Variants in EPB41L1 observed in about 807,000 individuals in gnomAD.
The protein encoded by EPB41L1 is band 4.1-like protein 1.
A neutral mutation model predicts 97.8 loss-of-function variants in EPB41L1; 29 were observed. The observed-to-expected ratio is 0.30, with a 90% CI of 0.22 to 0.40. The LOEUF is 0.40. Ranked by LOEUF, EPB41L1 falls within the 10% of genes least tolerant of loss-of-function variation. The pLI is 1.00. For missense variants in EPB41L1, 812 were observed against 1,162.3 expected, an observed-to-expected ratio of 0.70 and a Z score of 4.38; for synonymous variants, 383 against 459.2, an observed-to-expected ratio of 0.83 and a Z score of 2.12.
chr20:36,139,444 G>A (rs6058413), intron 2 of EPB41L1, among the ~76,000 whole-genome samples: 11,201 of 152,130 alleles, frequency 0.074, 527 homozygotes, highest in East Asian at 0.13. Flanking sequence ...TTTTTGTTAT[G>A]CAAAATTTCA....
At chr20:36,111,294 T>C (rs1483692854) in intron 1 of EPB41L1, among the ~76,000 whole-genome samples, 2 of 152,204 alleles carry the variant, frequency 1.3e-5, no homozygotes, top group African/African-American at 4.8e-5. Context: ...ACATTTTACA[T>C]GAAGTAGGAA....
At chr20:36,216,480 A>G (rs1018743693) in intron 17 of EPB41L1, among the ~76,000 whole-genome samples, 4 of 152,244 alleles carry the variant, frequency 2.6e-5, no homozygotes, top group Admixed American at 6.5e-5. Context: ...TCTGTCCTGC[A>G]GACAATGGGG....
chr20:36,100,334 C>T (rs1258004949), intron 1 of EPB41L1, among the ~76,000 whole-genome samples: 1 of 152,184 alleles, frequency 6.6e-6, no homozygotes, highest in Non-Finnish European at 1.5e-5. Flanking sequence ...CCTTCCCTCT[C>T]CCCACCTTGT....
intron 14 of EPB41L1, among the ~76,000 whole-genome samples, chr20:36,202,102 G>A (rs1284037094): frequency 6.6e-6 from 1 of 152,122 alleles, no homozygotes; most frequent in South Asian, 2.1e-4. Flanking sequence ...GCATACCAAG[G>A]ACAGGGCTAG....
intron 2 of EPB41L1, among the ~76,000 whole-genome samples, chr20:36,140,315 A>G (rs1252383055): frequency 7.4e-6 from 1 of 135,136 alleles, no homozygotes; most frequent in Non-Finnish European, 1.6e-5. Context: ...AAGTGATCCA[A>G]CCACCTTGGC....
intron 1 of EPB41L1, among the ~76,000 whole-genome samples, chr20:36,107,054 A>G (rs893420215): frequency 6.6e-6 from 1 of 152,014 alleles, no homozygotes; most frequent in African/African-American, 2.4e-5. Flanking sequence ...AGTAATCCCA[A>G]AGGATTTCAG....
Position 36,209,394 on chromosome 20 carries a change from C to A in EPB41L1, c.1669-94C>A. ...CTTCCATTCAGGATGTCGACACAGC[C>A]CCGAGATTTCTCCTGACATTCACCA... On this transcript the variant is annotated intron_variant, in intron 14 of 21. Coordinates refer to ENST00000338074, the MANE Select transcript of EPB41L1 (RefSeq NM_012156.2). This position sits in a 1 kb window ranked among gnomAD's most constrained non-coding sequence, Gnocchi z 4.2. 1 of 1,423,042 alleles carries A rather than the reference C, an allele frequency of 7.0e-7. No homozygotes were observed. 88.2% of individuals were successfully genotyped at this position (1,423,042 alleles called of 1,614,324 possible).
chr20:36,138,634 T>C (rs1301405428), intron 2 of EPB41L1, among the ~76,000 whole-genome samples: 2 of 152,226 alleles, frequency 1.3e-5, no homozygotes, highest in East Asian at 3.8e-4. Context: ...ATTTGACATA[T>C]ATTGCCTCAC....
At chr20:36,189,691 T>C (rs1298323187) in intron 9 of EPB41L1, among the ~76,000 whole-genome samples, 1 of 152,128 alleles carries the variant, frequency 6.6e-6, no homozygotes, top group East Asian at 1.9e-4. Flanking sequence ...GCACCACACA[T>C]CTCCCTTCAT....
rs2295568 is a variant in EPB41L1, at chr20:36,194,249, T to C, written c.1338T>C (p.His446=). Residue 446 remains histidine, a synonymous_variant, in exon 12 of 22, where the codon CAT becomes CAC. Coordinates refer to ENST00000338074, the MANE Select transcript of EPB41L1 (RefSeq NM_012156.2). Reference sequence around the variant, plus strand: ...GCCCAGCCTCGGTCAGCGAGAACCATGATGCAGGGCCTGACGGTGACAAGC... The same window carrying C: ...GCCCAGCCTCGGTCAGCGAGAACCACGATGCAGGGCCTGACGGTGACAAGC... ...FSRPASVSEN[H]DAGPDGDKRD... 0.027 allele frequency: 43,703 copies of C among 1,613,958 alleles called. 3,807 individuals carry two copies. In the African/African-American group the frequency reaches 0.28, roughly 10 times the overall value.
rs755743855 is a variant in EPB41L1 at position 36,173,798 on chromosome 20, C to T, written c.21C>T (p.Pro7=). 1.7e-5 allele frequency: 28 copies of T among 1,614,032 alleles called. No homozygotes were observed. Among genetic ancestry groups the T allele is most frequent in the African/African-American group, 5.3e-5 (4 of 74,912 alleles). Residue 7 remains proline, a synonymous_variant, in exon 2 of 22, where the codon CCC becomes CCT. Transcript: ENST00000338074. ...TCACCATGACAACAGAGACAGGCCC[C>T]GACTCTGAGGTGAAGAAAGCTCAGG... MTTETG[P]DSEVKKAQEE...
chr20:36,130,865 A>G (rs898043528), intron 2 of EPB41L1, among the ~76,000 whole-genome samples: 2 of 150,962 alleles, frequency 1.3e-5, no homozygotes, highest in Non-Finnish European at 2.9e-5. Context: ...GCTGGAGTAC[A>G]GTGGCATGAT....
At chr20:36,213,543 T>A (rs2063263510) in intron 16 of EPB41L1, among the ~76,000 whole-genome samples, 1 of 152,210 alleles carries the variant, frequency 6.6e-6, no homozygotes, top group Non-Finnish European at 1.5e-5. Flanking sequence ...TGAGTTCTGA[T>A]GAGCTGTGTG....
chr20:36,140,792 G>A (rs2059608520), intron 2 of EPB41L1, among the ~76,000 whole-genome samples: 2 of 152,132 alleles, frequency 1.3e-5, no homozygotes, highest in Admixed American at 6.5e-5. Flanking sequence ...TGCCCCTGCC[G>A]TGTGTGGGTG....
At chr20:36,177,479 C>T (rs185696043) in intron 3 of EPB41L1, among the ~76,000 whole-genome samples, 78 of 152,252 alleles carry the variant, frequency 5.1e-4, no homozygotes, top group African/African-American at 1.8e-3. Context: ...GGATTTCACT[C>T]AGGGAAGGGA....
At chr20:36,161,871 C>T (rs572253713) in intron 1 of EPB41L1, among the ~76,000 whole-genome samples, 1 of 152,314 alleles carries the variant, frequency 6.6e-6, no homozygotes, top group East Asian at 1.9e-4. Flanking sequence ...AGTGATCCTC[C>T]TGCCTCAGCC....
intron 2 of EPB41L1, chr20:36,125,364 C>G: frequency 1.4e-6 from 1 of 697,192 alleles, no homozygotes; most frequent in Non-Finnish European, 2.6e-6. Context: ...CCTTATCAAC[C>G]GTGTGACTTC....
At chr20:36,136,502 G>C (rs1368718075) in intron 2 of EPB41L1, among the ~76,000 whole-genome samples, 1 of 151,810 alleles carries the variant, frequency 6.6e-6, no homozygotes, top group African/African-American at 2.4e-5. Context: ...TTTTAAGTAA[G>C]TGTACACTTC....
intron 1 of EPB41L1, among the ~76,000 whole-genome samples, chr20:36,162,732 G>T (rs981381644): frequency 2.0e-5 from 3 of 152,262 alleles, no homozygotes; most frequent in Admixed American, 1.3e-4. Context: ...CTGCACATCA[G>T]CCTGAGGCTC....
Sources: gnomAD v4.1 joint callset for allele counts (sites outside exome capture counted in the v4.1 genomes callset) on GRCh38, gnomAD v4.1.1 for gene constraint, Gnocchi (gnomAD v3.1) non-coding constraint, MANE v1.5 for transcripts, NCBI Gene and HGNC (gene_info 2026-07-23, HGNC 2026-07-21) for gene names.